RAPGEF4: variants seen among roughly 807,000 people sequenced by gnomAD.
RAPGEF4 encodes RAP guanine-nucleotide-exchange factor (GEF) 4.
RAPGEF4 carries 66 observed loss-of-function variants against 147.9 expected under a neutral mutation model. That is an observed-to-expected ratio of 0.45 (90% CI 0.37 to 0.55). The LOEUF (loss-of-function observed/expected upper bound fraction) is 0.55. RAPGEF4 is among the 20% of genes least tolerant of loss of function. RAPGEF4 has a pLI of 0.00. For missense variants in RAPGEF4, 1,071 were observed against 1,257.3 expected (o/e 0.85, Z 2.24); for synonymous variants, 419 against 442.7 (o/e 0.95, Z 0.67).
At chr2:172,978,200 C>A (rs915634392) in intron 10 of RAPGEF4, among the ~76,000 whole-genome samples, 9 of 106,192 alleles carry the variant, frequency 8.5e-5, no homozygotes, top group South Asian at 3.8e-4. Flanking sequence ...GTGGTCACAC[C>A]CCCCCCAGAG....
chr2:172,949,773 GA>G (rs1171715129), intron 6 of RAPGEF4, among the ~76,000 whole-genome samples: 1 of 152,192 alleles, frequency 6.6e-6, no homozygotes, highest in Admixed American at 6.5e-5. Flanking sequence ...AAATGTCCAT[GA>G]AATAAACTGA....
intron 4 of RAPGEF4, among the ~76,000 whole-genome samples, chr2:172,835,917 A>G (rs994811740): frequency 1.3e-5 from 2 of 152,224 alleles, no homozygotes; most frequent in African/African-American, 4.8e-5. Context: ...CTAAATTAGA[A>G]TGTGGGTCTA....
chr2:172,915,703 CAAAAAAAAA>C (rs10676347), intron 4 of RAPGEF4, among the ~76,000 whole-genome samples: 1 of 113,862 alleles, frequency 8.8e-6, no homozygotes, highest in African/African-American at 3.4e-5. Context: ...GACCCTGTCT[CAAAAAAAAA>C]AAAAAAAAGA....
chr2:172,852,452 A>G (rs1692964507), intron 4 of RAPGEF4, among the ~76,000 whole-genome samples: 1 of 152,188 alleles, frequency 6.6e-6, no homozygotes, highest in Non-Finnish European at 1.5e-5. Context: ...TGTATCAGGT[A>G]GAGTTTTAAA....
intron 4 of RAPGEF4, among the ~76,000 whole-genome samples, chr2:172,820,415 C>T (rs553612345): frequency 1.2e-4 from 18 of 152,200 alleles, no homozygotes; most frequent in South Asian, 2.1e-4. Context: ...AATTACAGAG[C>T]CATTAAAAAT....
intron 29 of RAPGEF4, among the ~76,000 whole-genome samples, chr2:173,038,484 G>A (rs999304285): frequency 1.3e-5 from 2 of 152,114 alleles, no homozygotes; most frequent in East Asian, 3.9e-4. Flanking sequence ...AGCAAACAGA[G>A]GAACAGAAAA....
intron 6 of RAPGEF4, among the ~76,000 whole-genome samples, chr2:172,936,898 A>T (rs1205703287): frequency 6.6e-6 from 1 of 151,914 alleles, no homozygotes; most frequent in African/African-American, 2.4e-5. Context: ...CATTATCACC[A>T]ACTAAAGTCC....
chr2:173,043,947 G>C (rs1685092385), intron 29 of RAPGEF4, among the ~76,000 whole-genome samples: 1 of 152,166 alleles, frequency 6.6e-6, no homozygotes, highest in Non-Finnish European at 1.5e-5. Flanking sequence ...CCTAAATTGG[G>C]GCTCAGCTGG....
At chr2:172,908,371 G>T (rs1360576309) in intron 4 of RAPGEF4, among the ~76,000 whole-genome samples, 1 of 152,194 alleles carries the variant, frequency 6.6e-6, no homozygotes, top group Non-Finnish European at 1.5e-5. Context: ...TGCACACCTC[G>T]GTTGTGAAGG....
chr2:172,817,960 TTATA>T (rs762859889), intron 4 of RAPGEF4, among the ~76,000 whole-genome samples: 2 of 140,614 alleles, frequency 1.4e-5, no homozygotes, highest in African/African-American at 5.6e-5. Flanking sequence ...ATTATATGAA[TTATA>T]TATATATATA....
In RAPGEF4 at chr2:172,771,662, C is replaced by G. The variant is rs538808080; in HGVS notation, c.66-23363C>G. ...GTCTCACTATATTGCCCAGGCTTGT[C>G]ACAAACTCCTGGGCACAAGCAGTCC... On this transcript the variant is annotated intron_variant, in intron 1 of 30. Transcript: ENST00000397081. Among the ~76,000 whole-genome samples, 3 of 152,044 alleles carry G rather than the reference C, an allele frequency of 2.0e-5. No homozygotes were observed. The South Asian group carries it at 6.2e-4, about 32-fold the overall frequency.
intron 1 of RAPGEF4, among the ~76,000 whole-genome samples, chr2:172,759,090 T>C (rs1020156511): frequency 6.6e-6 from 1 of 151,804 alleles, no homozygotes; most frequent in Non-Finnish European, 1.5e-5. Context: ...GATTGTGTCA[T>C]GTTGACAAAA....
At chr2:172,904,995 G>A (rs1231629698) in intron 4 of RAPGEF4, among the ~76,000 whole-genome samples, 1 of 151,778 alleles carries the variant, frequency 6.6e-6, no homozygotes, top group Non-Finnish European at 1.5e-5. Flanking sequence ...TGTGTGCTGA[G>A]GCCTCACTAC....
intron 1 of RAPGEF4, 175 bp downstream of exon 1, chr2:172,736,223 C>T (rs549086426): frequency 7.6e-6 from 3 of 395,934 alleles, no homozygotes; most frequent in South Asian, 1.7e-4. Context: ...AGGATCCCCG[C>T]CTCTCGTGGG....
intron 3 of RAPGEF4, among the ~76,000 whole-genome samples, chr2:172,812,810 A>T (rs893699882): frequency 1.2e-4 from 19 of 152,246 alleles, no homozygotes; most frequent in African/African-American, 4.6e-4. Context: ...GAAATAGGCT[A>T]GTGGGAACTT....
At chr2:172,760,340 T>C (rs1439176556) in intron 1 of RAPGEF4, among the ~76,000 whole-genome samples, 3 of 152,178 alleles carry the variant, frequency 2.0e-5, no homozygotes, top group Non-Finnish European at 4.4e-5. Flanking sequence ...AAGCAAAGAA[T>C]AGAAAGCCTT....
At position 173,030,213 on chromosome 2, in the gene RAPGEF4, C is replaced by T; in HGVS notation, c.2608C>T (p.Leu870=). 1 of 1,613,782 alleles carries T rather than the reference C, an allele frequency of 6.2e-7. No individual in the cohort carries two copies. Among genetic ancestry groups the T allele is most frequent in the Non-Finnish European group, 8.5e-7 (1 of 1,179,688 alleles). ...LNSFFAIVMG[L]SNVAVSRLAL... is the part of the protein sequence containing the mutation. ...TTCCTTTTTTGCCATCGTCATGGGA[C>T]TAAGTAACGTTGCTGTGAGCCGCTT... Residue 870 remains leucine, a synonymous_variant, in exon 26 of 31, where the codon CTA becomes TTA. Coordinates refer to ENST00000397081, the MANE Select transcript of RAPGEF4 (RefSeq NM_007023.4).
chr2:172,812,240 G>A (rs1688094816), intron 3 of RAPGEF4, among the ~76,000 whole-genome samples: 1 of 152,166 alleles, frequency 6.6e-6, no homozygotes, highest in Non-Finnish European at 1.5e-5. Context: ...CTTAATTCTG[G>A]TAGAAGAATT....
At chr2:172,971,097 A>AGT (rs1690430483) in intron 10 of RAPGEF4, among the ~76,000 whole-genome samples, 1 of 121,244 alleles carries the variant, frequency 8.2e-6, no homozygotes, top group African/African-American at 2.8e-5. Context: ...TACCAGTAGA[A>AGT]ATGTGCATTT....
Sources: allele counts gnomAD v4.1 joint callset (sites outside exome capture counted in the v4.1 genomes callset), GRCh38; gene constraint gnomAD v4.1.1; transcripts MANE v1.5; gene names NCBI Gene and HGNC (gene_info 2026-07-23, HGNC 2026-07-21).